Variants in PDSS1 observed in about 807,000 individuals in gnomAD.
PDSS1 encodes the protein decaprenyl diphosphate synthase subunit 1.
Under a neutral mutation model 57.5 loss-of-function variants are expected in PDSS1, and 43 were observed. That is an observed-to-expected ratio of 0.75 (90% CI 0.59 to 0.96). The LOEUF is 0.96. Among genes scored for constraint, PDSS1 ranks in the 50% least tolerant of loss-of-function variants. The pLI is 0.00. For synonymous variants in PDSS1, 175 were observed against 191.3 expected, an observed-to-expected ratio of 0.91 and a Z score of 0.70; for missense variants, 438 against 527.8, an observed-to-expected ratio of 0.83 and a Z score of 1.67.
chr10:26,741,561 C>T (rs867405603), intron 10 of PDSS1, among the ~76,000 whole-genome samples: 7 of 152,092 alleles, frequency 4.6e-5, no homozygotes, highest in Non-Finnish European at 7.4e-5. Context: ...TGTCATGCAC[C>T]GCTGCTCAGA....
chr10:26,744,856 A>C (rs1836765770), intron 11 of PDSS1, among the ~76,000 whole-genome samples: 1 of 152,202 alleles, frequency 6.6e-6, no homozygotes, highest in Non-Finnish European at 1.5e-5. Context: ...AATGTTAGGA[A>C]TATTCCATTT....
At chr10:26,726,879 T>C (rs1264942709) in intron 8 of PDSS1, among the ~76,000 whole-genome samples, 2 of 152,066 alleles carry the variant, frequency 1.3e-5, no homozygotes, top group East Asian at 3.9e-4. Flanking sequence ...CTGGCCAACA[T>C]GGCAAAACCC....
chr10:26,719,462 T>C (rs1835709246), intron 5 of PDSS1, among the ~76,000 whole-genome samples: 1 of 152,262 alleles, frequency 6.6e-6, no homozygotes, highest in African/African-American at 2.4e-5. Flanking sequence ...GTTGTCATAC[T>C]AAACGTTTAA....
chr10:26,699,902 G>C (rs1054204353), intron 1 of PDSS1, among the ~76,000 whole-genome samples: 2 of 152,140 alleles, frequency 1.3e-5, no homozygotes, highest in Non-Finnish European at 2.9e-5. Flanking sequence ...TAGCATTCTG[G>C]TGTCTGCCTC....
chr10:26,740,374 A>G (rs1012374827), intron 10 of PDSS1, among the ~76,000 whole-genome samples: 3 of 152,126 alleles, frequency 2.0e-5, no homozygotes, highest in Non-Finnish European at 4.4e-5. Flanking sequence ...CCTGATTTCT[A>G]GTAGCTTGTT....
chr10:26,714,079 G>A (rs963018697), intron 5 of PDSS1, among the ~76,000 whole-genome samples: 6 of 152,142 alleles, frequency 3.9e-5, no homozygotes, highest in African/African-American at 1.4e-4. Context: ...TAAACATCCT[G>A]TCCTTTAAAC....
At chr10:26,697,874 A>G (rs1241561977) in intron 1 of PDSS1, 34 bp downstream of exon 1, 3 of 1,268,608 alleles carry the variant, frequency 2.4e-6, no homozygotes, top group African/African-American at 1.6e-5. Flanking sequence ...GGCGGGGCTC[A>G]GAGGTCACGG....
intron 1 of PDSS1, 124 bp downstream of exon 1, chr10:26,697,964 G>A (rs1245324119): frequency 3.2e-6 from 3 of 931,132 alleles, no homozygotes; most frequent in African/African-American, 3.5e-5. Flanking sequence ...GGGTAGCTCC[G>A]GGGTAGCTCC....
chr10:26,703,845 GCCAAGGCGGGCGGATCA>G (rs1835119707), intron 2 of PDSS1, among the ~76,000 whole-genome samples: 1 of 99,646 alleles, frequency 1.0e-5, no homozygotes, highest in East Asian at 1.1e-3. Context: ...ACTTTGGGAG[GCCAAGGCGGGCGGATCA>G]TGAGGTCAGG....
At chr10:26,707,279 G>A (rs1835265005) in intron 4 of PDSS1, among the ~76,000 whole-genome samples, 1 of 152,088 alleles carries the variant, frequency 6.6e-6, no homozygotes, top group South Asian at 2.1e-4. Context: ...TGGTTGAGCC[G>A]ACTCACCCAA....
At chr10:26,709,485 C>T (rs983793344) in intron 4 of PDSS1, among the ~76,000 whole-genome samples, 153 bp from the exon 5 acceptor site, 33 of 151,656 alleles carry the variant, frequency 2.2e-4, no homozygotes, top group Middle Eastern at 3.4e-3. Context: ...CGCATGAACC[C>T]GGGAGGCGGA....
In PDSS1 at chr10:26,728,431, A is replaced by C. The variant is rs977135362; in HGVS notation, c.831+4308A>C. 5.6e-4 allele frequency among the ~76,000 whole-genome samples: 85 copies of C among 152,152 alleles called. 2 individuals are homozygous for C. The highest frequency in any genetic ancestry group is 3.4e-3 in the Middle Eastern group (1 of 294). On this transcript the variant is annotated intron_variant, in intron 8 of 11. Transcript: ENST00000376215. ...CTTGAATCCGGGAGGCGGAGGTTGC[A>C]GTGAGCCGAGATTGCACCATTGCAC...
intron 2 of PDSS1, among the ~76,000 whole-genome samples, chr10:26,702,498 T>G (rs2132210242): frequency 6.6e-6 from 1 of 152,360 alleles, no homozygotes; most frequent in South Asian, 2.1e-4. Flanking sequence ...TAGTTCCTTC[T>G]GTGTTCATTC....
chr10:26,738,325 G>A (rs1205628421), intron 10 of PDSS1, among the ~76,000 whole-genome samples: 4 of 152,192 alleles, frequency 2.6e-5, no homozygotes, highest in Admixed American at 6.5e-5. Flanking sequence ...AGAAACTGAT[G>A]CCCAAACCTC....
intron 5 of PDSS1, among the ~76,000 whole-genome samples, chr10:26,719,637 G>A (rs1268835455): frequency 2.0e-5 from 3 of 152,130 alleles, no homozygotes; most frequent in Non-Finnish European, 2.9e-5. Flanking sequence ...GTGTGGTGGT[G>A]TATGCCTGTA....
At position 26,713,019 on chromosome 10, in the gene PDSS1, A is replaced by G. The variant is rs182353687; in HGVS notation, c.467+3251A>G. ...ATTAAATTGGGGATTTTTGCTGGGC[A>G]CAGTGGCTCACGCCTGTAATCCCAG... On this transcript the variant is annotated intron_variant, in intron 5 of 11. Transcript: ENST00000376215. 3.9e-3 allele frequency among the ~76,000 whole-genome samples: 368 copies of G among 95,038 alleles called. 90 individuals carry two copies. The highest frequency in any genetic ancestry group is 0.012 in the African/African-American group (342 of 29,054). The allele number at this position is 95,038 out of a possible 152,430, so 62.3% of individuals were successfully genotyped here.
At chr10:26,720,117 T>A in intron 5 of PDSS1, 101 bp from the exon 6 acceptor site, 3 of 1,540,594 alleles carry the variant, frequency 1.9e-6, no homozygotes, top group East Asian at 2.3e-5. Context: ...CTTAGAGAAA[T>A]AACATTCTTT....
At chr10:26,698,365 T>C (rs778622540) in intron 1 of PDSS1, among the ~76,000 whole-genome samples, 7 of 151,926 alleles carry the variant, frequency 4.6e-5, no homozygotes, top group Non-Finnish European at 7.4e-5. Flanking sequence ...ACCTTAGTTG[T>C]CCAGCAGTGG....
intron 10 of PDSS1, among the ~76,000 whole-genome samples, chr10:26,736,211 C>A (rs1588703887): frequency 6.6e-6 from 1 of 152,204 alleles, no homozygotes; most frequent in South Asian, 2.1e-4. Context: ...AAGATGTTCC[C>A]TCGACTGACA....
Sources: gnomAD v4.1 joint callset for allele counts (sites outside exome capture counted in the v4.1 genomes callset) on GRCh38, gnomAD v4.1.1 for gene constraint, MANE v1.5 for transcripts, NCBI Gene and HGNC (gene_info 2026-07-23, HGNC 2026-07-21) for gene names.